Variants in ARL8B observed in about 807,000 individuals in gnomAD.
ARL8B encodes ADP-ribosylation factor-like protein 8B.
Under a neutral mutation model 30.6 loss-of-function variants are expected in ARL8B, and 9 were observed. That is an observed-to-expected ratio of 0.29 (90% CI 0.18 to 0.51). The LOEUF is 0.51. ARL8B is among the 20% of genes least tolerant of loss of function. ARL8B has a pLI of 0.97. For missense variants in ARL8B, 130 were observed against 227.2 expected, an observed-to-expected ratio of 0.57 and a Z score of 2.75; for synonymous variants, 74 against 76.0, an observed-to-expected ratio of 0.97 and a Z score of 0.14.
chr3:5,175,677 G>A (rs1217819573), intron 6 of ARL8B, among the ~76,000 whole-genome samples: 1 of 152,216 alleles, frequency 6.6e-6, no homozygotes, highest in Non-Finnish European at 1.5e-5. Context: ...CCAAAATCAA[G>A]TTGTCAGCAG....
At chr3:5,127,960 C>T (rs1402178506) in intron 1 of ARL8B, among the ~76,000 whole-genome samples, 9 of 144,668 alleles carry the variant, frequency 6.2e-5, no homozygotes, top group East Asian at 2.0e-4. Flanking sequence ...GAGGCCAAGG[C>T]GGCCGGATCA....
intron 1 of ARL8B, among the ~76,000 whole-genome samples, chr3:5,140,944 C>T (rs773462434): frequency 7.2e-5 from 11 of 152,110 alleles, no homozygotes; most frequent in Non-Finnish European, 1.3e-4. Context: ...GCAGTCACAC[C>T]GGGGACAGTT....
chr3:5,161,103 A>G (rs1326886044), intron 1 of ARL8B, among the ~76,000 whole-genome samples: 2 of 152,186 alleles, frequency 1.3e-5, no homozygotes, highest in Non-Finnish European at 2.9e-5. Context: ...TATTTTTTGT[A>G]GAGATGGGGT....
chr3:5,177,577 T>C (rs1349239637), intron 6 of ARL8B, among the ~76,000 whole-genome samples: 3 of 151,678 alleles, frequency 2.0e-5, no homozygotes, highest in African/African-American at 7.3e-5. Flanking sequence ...TGCCTCAGCC[T>C]CCCGAGTAGC....
chr3:5,146,393 G>A (rs866630469), intron 1 of ARL8B, among the ~76,000 whole-genome samples: 2 of 152,136 alleles, frequency 1.3e-5, no homozygotes, highest in African/African-American at 4.8e-5. Context: ...GGGAGAATTG[G>A]AGTATTGTAT....
intron 1 of ARL8B, among the ~76,000 whole-genome samples, 158 bp downstream of exon 1, chr3:5,122,746 A>G (rs974852656): frequency 2.6e-5 from 4 of 152,152 alleles, no homozygotes; most frequent in Non-Finnish European, 5.9e-5. Context: ...CAGCATTTGG[A>G]ATTTCCCGCG....
At chr3:5,143,472 G>A (rs1283887568) in intron 1 of ARL8B, among the ~76,000 whole-genome samples, 1 of 152,164 alleles carries the variant, frequency 6.6e-6, no homozygotes, top group Non-Finnish European at 1.5e-5. Flanking sequence ...CCCATCCTAG[G>A]GGAAATGGAA....
chr3:5,124,105 G>C (rs1434411226), intron 1 of ARL8B, among the ~76,000 whole-genome samples: 2 of 152,104 alleles, frequency 1.3e-5, no homozygotes, highest in Non-Finnish European at 2.9e-5. Flanking sequence ...CTGACCTCAT[G>C]TGATCCGCCC....
chr3:5,127,378 C>G (rs2106551705), intron 1 of ARL8B, among the ~76,000 whole-genome samples: 1 of 152,226 alleles, frequency 6.6e-6, no homozygotes, highest in South Asian at 2.1e-4. Context: ...TTTAAAAAAT[C>G]AGCTGCAGTT....
At chr3:5,172,495 T>C in intron 3 of ARL8B, 152 bp from the exon 4 acceptor site, 1 of 640,576 alleles carries the variant, frequency 1.6e-6, no homozygotes, top group Non-Finnish European at 2.7e-6. Flanking sequence ...TTAAAAAGTA[T>C]TAAAGGGTGC....
chr3:5,140,266 TAACTG>T (rs1005017805), intron 1 of ARL8B, among the ~76,000 whole-genome samples: 9 of 152,258 alleles, frequency 5.9e-5, no homozygotes, highest in South Asian at 4.1e-4. Flanking sequence ...CGGTGGGAGA[TAACTG>T]AATCATGGGG....
chr3:5,140,259 T>C lies in ARL8B; in HGVS notation c.123+17671T>C, dbSNP rs563489446. Among the ~76,000 whole-genome samples the C allele has an allele frequency of 1.4e-4, 22 of 152,178 alleles. No homozygotes were observed. In the East Asian group the frequency reaches 3.9e-3, roughly 27 times the overall value. On this transcript the variant is annotated intron_variant, in intron 1 of 6. Transcript: ENST00000256496. ...CCCACATGTTGTGGGAGGGACCCGG[T>C]GGGAGATAACTGAATCATGGGGACG...
intron 1 of ARL8B, among the ~76,000 whole-genome samples, chr3:5,135,765 T>TTATTAG (rs2054319583): frequency 2.0e-5 from 1 of 48,968 alleles, no homozygotes; most frequent in Admixed American, 1.7e-4. Context: ...CCTATTATTA[T>TTATTAG]TATTATTATT....
intron 1 of ARL8B, among the ~76,000 whole-genome samples, chr3:5,125,094 C>T (rs145250899): frequency 1.2e-4 from 18 of 152,276 alleles, no homozygotes; most frequent in African/African-American, 3.6e-4. Context: ...GATTTGAAAT[C>T]TGGCTCTGCC....
At chr3:5,142,431 G>A (rs373992517) in intron 1 of ARL8B, among the ~76,000 whole-genome samples, 18 of 152,102 alleles carry the variant, frequency 1.2e-4, no homozygotes, top group African/African-American at 3.6e-4. Context: ...TTCCCCATGC[G>A]TCCTTGTCCT....
chr3:5,142,792 T>C (rs760814445), intron 1 of ARL8B, among the ~76,000 whole-genome samples: 5 of 152,184 alleles, frequency 3.3e-5, no homozygotes, highest in Non-Finnish European at 2.9e-5. Context: ...TCTTTCCCTG[T>C]GATGTCTGCC....
In ARL8B at chr3:5,178,978, A is replaced by G; in HGVS notation, c.*265A>G. The G allele has an allele frequency of 2.7e-6, 1 of 368,392 alleles. No homozygotes were observed. Among genetic ancestry groups the G allele is most frequent in the South Asian group, 8.0e-5 (1 of 12,464 alleles). 22.8% of individuals were successfully genotyped at this position (368,392 alleles called of 1,614,324 possible). On this transcript the variant is annotated 3_prime_UTR_variant, in exon 7 of 7. Transcript: ENST00000256496. ...CCATGTGTAGAGCTTTAAAAACAGA[A>G]AAAAAACCCCATATACTTATGACCA... is the stretch of plus-strand genomic sequence containing the variant.
At chr3:5,178,587 C>T in intron 6 of ARL8B, 77 bp from the exon 7 acceptor site, 1 of 1,428,078 alleles carries the variant, frequency 7.0e-7, no homozygotes, top group Non-Finnish European at 9.6e-7. Context: ...CTTGAATTAG[C>T]TGCCTTTTAA....
At chr3:5,163,010 C>T (rs1314595101) in intron 1 of ARL8B, among the ~76,000 whole-genome samples, 12 of 102,632 alleles carry the variant, frequency 1.2e-4, no homozygotes, top group Admixed American at 5.2e-4. Flanking sequence ...TTTTTTGAGA[C>T]GGAGTCTTGC....
Sources: allele counts gnomAD v4.1 joint callset (sites outside exome capture counted in the v4.1 genomes callset), GRCh38; gene constraint gnomAD v4.1.1; transcripts MANE v1.5; gene names NCBI Gene and HGNC (gene_info 2026-07-23, HGNC 2026-07-21).